DLEU7: variants seen among roughly 807,000 people sequenced by gnomAD.
DLEU7 encodes deleted in lymphocytic leukemia 7.
A neutral mutation model predicts 16.0 loss-of-function variants in DLEU7; 17 were observed. The observed-to-expected ratio is 1.06, with a 90% CI of 0.73 to 1.59. DLEU7 has a LOEUF of 1.59. Among genes scored for constraint, DLEU7 ranks in the 40% most tolerant of loss-of-function variants. The probability of loss-of-function intolerance (pLI) is 0.00; values close to 1 mark genes in which losing one functional copy is unlikely to be tolerated. For synonymous variants in DLEU7, 113 were observed against 139.8 expected, an observed-to-expected ratio of 0.81 and a Z score of 1.35; for missense variants, 308 against 314.9, an observed-to-expected ratio of 0.98 and a Z score of 0.17.
intron 1 of DLEU7, among the ~76,000 whole-genome samples, chr13:50,828,481 G>A (rs1471056634): frequency 2.0e-5 from 3 of 152,076 alleles, no homozygotes; most frequent in African/African-American, 7.2e-5. Context: ...CAAATTTGTG[G>A]GATGTAGCCA....
At chr13:50,829,478 A>G (rs1167805389) in intron 1 of DLEU7, among the ~76,000 whole-genome samples, 2 of 152,194 alleles carry the variant, frequency 1.3e-5, no homozygotes, top group Non-Finnish European at 2.9e-5. Flanking sequence ...GAAGACTAAA[A>G]TGCCTTTAAA....
In DLEU7 at chr13:50,843,393, G is replaced by GC; in HGVS notation, c.253_254insG (p.Ser85CysfsTer11). ...GCCTCGCACTACCTCCTCCTCTGGG[G>GC]AGTTCGCCCGCGCCGCGGTCCGCCG... On this transcript the variant is annotated frameshift_variant, in exon 1 of 2. Coordinates refer to ENST00000504404, the MANE Select transcript of DLEU7 (RefSeq NM_001306135.2). LOFTEE classifies it high-confidence loss of function. The surrounding 1 kb of genome is among the most constrained non-coding windows in gnomAD (Gnocchi z 5.7). 7.5e-7 allele frequency: 1 copy of GC among 1,340,262 alleles called. No homozygotes were observed. 83.0% of individuals were successfully genotyped at this position (1,340,262 alleles called of 1,614,324 possible). A position where few individuals can be genotyped will look rare whatever the true frequency, so the allele number is the denominator to read the frequency against.
At chr13:50,822,569 CT>C, downstream of DLEU7, 1 of 956,044 alleles carries the variant, frequency 1.0e-6, no homozygotes, top group Non-Finnish European at 1.2e-6. Context: ...CACTCCTTTC[CT>C]TTTTTTAAAG....
chr13:50,740,204 A>G (rs1221051073), intron 1 of DLEU7, among the ~76,000 whole-genome samples: 1 of 152,160 alleles, frequency 6.6e-6, no homozygotes, highest in East Asian at 1.9e-4. Context: ...ATGATGGGCA[A>G]ATGGGAAAAG....
intron 1 of DLEU7, among the ~76,000 whole-genome samples, chr13:50,804,209 T>C (rs907384094): frequency 2.6e-5 from 4 of 152,096 alleles, no homozygotes; most frequent in African/African-American, 9.7e-5. Flanking sequence ...CTTGTTTTTT[T>C]CCTTTATATG....
chr13:50,828,357 A>G (rs1877160265), intron 1 of DLEU7, among the ~76,000 whole-genome samples: 4 of 152,238 alleles, frequency 2.6e-5, no homozygotes, highest in African/African-American at 9.6e-5. Context: ...AGAAATCAAT[A>G]ACATAGATAC....
chr13:50,759,492 A>C (rs1366295443), intron 1 of DLEU7, among the ~76,000 whole-genome samples: 1 of 135,560 alleles, frequency 7.4e-6, no homozygotes, highest in Non-Finnish European at 1.6e-5. Context: ...TAAATGAATA[A>C]GTTTTGGGAG....
chr13:50,762,893 C>T (rs1373880529), intron 1 of DLEU7, among the ~76,000 whole-genome samples: 1 of 151,628 alleles, frequency 6.6e-6, no homozygotes, highest in Non-Finnish European at 1.5e-5. Flanking sequence ...AGGGATGTTG[C>T]AGGGAGAGAA....
chr13:50,839,475 T>C (rs1001713041), intron 1 of DLEU7, among the ~76,000 whole-genome samples: 2 of 152,222 alleles, frequency 1.3e-5, no homozygotes, highest in Admixed American at 1.3e-4. Context: ...TATTTTTAAA[T>C]GTCTGTTATC....
At chr13:50,804,151 T>A (rs763288222) in intron 1 of DLEU7, among the ~76,000 whole-genome samples, 8 of 152,154 alleles carry the variant, frequency 5.3e-5, no homozygotes, top group Non-Finnish European at 8.8e-5. Flanking sequence ...GTAGGGCTAG[T>A]ACCATGTATT....
At chr13:50,774,569 T>A (rs1472242455) in intron 1 of DLEU7, among the ~76,000 whole-genome samples, 1 of 152,250 alleles carries the variant, frequency 6.6e-6, no homozygotes, top group Non-Finnish European at 1.5e-5. Flanking sequence ...ATACAGTTAG[T>A]TATATTTTTA....
At chr13:50,728,041 T>G (rs1206204794) in intron 1 of DLEU7, among the ~76,000 whole-genome samples, 1 of 152,190 alleles carries the variant, frequency 6.6e-6, no homozygotes, top group Non-Finnish European at 1.5e-5. Context: ...AGTCCTGACT[T>G]TTTGAGAGCA....
chr13:50,820,709 A>T (rs1876877590), downstream of DLEU7, among the ~76,000 whole-genome samples: 2 of 152,164 alleles, frequency 1.3e-5, no homozygotes, highest in African/African-American at 4.8e-5. Flanking sequence ...GCAGTGAATT[A>T]TCTAGTGGAT....
At position 50,823,651 on chromosome 13, in the gene DLEU7, C is replaced by A. The variant is rs142391257; in HGVS notation, c.460-131G>T. Reference sequence around the variant, plus strand: ...TCTGGTTTTTTTTTTTCTTGGAAAACTACACCCCATTCTTAGCCTATGCAG... The same window carrying A: ...TCTGGTTTTTTTTTTTCTTGGAAAAATACACCCCATTCTTAGCCTATGCAG... On this transcript the variant is annotated intron_variant, in intron 1 of 1. Coordinates refer to ENST00000504404, the MANE Select transcript of DLEU7 (RefSeq NM_001306135.2). 4.1e-4 allele frequency: 442 copies of A among 1,087,342 alleles called. 1 individual carries two copies. Among genetic ancestry groups the A allele is most frequent in the Non-Finnish European group, 5.2e-4 (403 of 777,698 alleles). 67.4% of individuals were successfully genotyped at this position (1,087,342 alleles called of 1,614,324 possible).
chr13:50,811,656 C>T (rs1230100076), intron 1 of DLEU7, among the ~76,000 whole-genome samples: 5 of 152,228 alleles, frequency 3.3e-5, no homozygotes, highest in African/African-American at 1.2e-4. Flanking sequence ...ACATGGCCTG[C>T]GGATGCTAAG....
chr13:50,775,150 G>C (rs183427057), intron 1 of DLEU7, among the ~76,000 whole-genome samples: 47 of 151,292 alleles, frequency 3.1e-4, no homozygotes, highest in Admixed American at 1.3e-3. Context: ...CTGTATCTTT[G>C]TAAGTCTAAT....
chr13:50,771,812 G>A (rs184986346), intron 1 of DLEU7, among the ~76,000 whole-genome samples: 2 of 152,076 alleles, frequency 1.3e-5, no homozygotes, highest in East Asian at 3.8e-4. Context: ...CAAGTCCTGG[G>A]TATCCTTGTT....
chr13:50,757,702 A>G (rs1874804087), intron 1 of DLEU7, among the ~76,000 whole-genome samples: 2 of 152,222 alleles, frequency 1.3e-5, no homozygotes, highest in Admixed American at 6.5e-5. Context: ...GGGATAGAAT[A>G]TGGAAATGTT....
At chr13:50,843,750 C>T (rs147380577), upstream of DLEU7, 3,460 of 1,424,084 alleles carry the variant, frequency 2.4e-3, 10 homozygotes, top group Admixed American at 4.6e-3. This position sits in a 1 kb window ranked among gnomAD's most constrained non-coding sequence, Gnocchi z 5.7. Context: ...CCCGCGGCTC[C>T]TCGGCCTCTG....
Sources: allele counts gnomAD v4.1 joint callset (sites outside exome capture counted in the v4.1 genomes callset), GRCh38; gene constraint gnomAD v4.1.1; non-coding constraint Gnocchi (gnomAD v3.1); transcripts MANE v1.5; gene names NCBI Gene and HGNC (gene_info 2026-07-23, HGNC 2026-07-21).